Variants in CNTNAP2 observed in about 807,000 individuals in gnomAD.
The protein encoded by CNTNAP2 is contactin-associated protein-like 2.
CNTNAP2 carries 98 observed loss-of-function variants against 155.2 expected under a neutral mutation model. That is an observed-to-expected ratio of 0.63 (90% CI 0.54 to 0.75). The LOEUF is 0.75. CNTNAP2 is among the 30% of genes least tolerant of loss of function. CNTNAP2 has a pLI of 0.00. For missense variants in CNTNAP2, 1,727 were observed against 1,688.1 expected (o/e 1.02, Z -0.40); for synonymous variants, 651 against 631.2 (o/e 1.03, Z -0.47).
chr7:147,004,502 A>G (rs1023638084), intron 3 of CNTNAP2, among the ~76,000 whole-genome samples: 1 of 152,074 alleles, frequency 6.6e-6, no homozygotes, highest in African/African-American at 2.4e-5. Context: ...TTGGCTATAT[A>G]GGTAAAAATA....
chr7:147,192,542 GT>G (rs898967133), intron 8 of CNTNAP2, among the ~76,000 whole-genome samples: 1 of 151,792 alleles, frequency 6.6e-6, no homozygotes, highest in Non-Finnish European at 1.5e-5. Context: ...AGTATTCTGT[GT>G]TTTCCCCACC....
chr7:146,350,852 A>C (rs540971242), intron 1 of CNTNAP2, among the ~76,000 whole-genome samples: 1 of 152,192 alleles, frequency 6.6e-6, no homozygotes, highest in African/African-American at 2.4e-5. Context: ...TGCAGCCATA[A>C]AAAATGAAGA....
chr7:148,277,797 A>AG (rs1796900608), intron 21 of CNTNAP2, among the ~76,000 whole-genome samples: 1 of 147,188 alleles, frequency 6.8e-6, no homozygotes, highest in Non-Finnish European at 1.5e-5. Context: ...GAAAAAAGAA[A>AG]AAAAGAAAAA....
intron 3 of CNTNAP2, among the ~76,000 whole-genome samples, chr7:146,892,240 G>A (rs1026931319): frequency 6.6e-6 from 1 of 152,136 alleles, no homozygotes. Flanking sequence ...CCTCATGTGG[G>A]CATTTCCATA....
intron 2 of CNTNAP2, among the ~76,000 whole-genome samples, chr7:146,782,473 A>G (rs945714437): frequency 7.2e-5 from 11 of 152,294 alleles, no homozygotes; most frequent in Admixed American, 6.5e-4. Context: ...ATGCCTAACT[A>G]AGTTCCAGTA....
In CNTNAP2 at chr7:147,124,545, A is replaced by G. The variant is rs754642110; in HGVS notation, c.939+3382A>G. Reference sequence around the variant, plus strand: ...TTGCAAAGAGGTGCCTAATAGCACTATATGACGGTATTTCCATCATATAGT... The same window carrying G: ...TTGCAAAGAGGTGCCTAATAGCACTGTATGACGGTATTTCCATCATATAGT... On this transcript the variant is annotated intron_variant, in intron 6 of 23. Transcript: ENST00000361727. Among the ~76,000 whole-genome samples, 14 of 152,242 alleles carry G rather than the reference A, an allele frequency of 9.2e-5. No homozygotes were observed. In the South Asian group the frequency reaches 1.2e-3, roughly 13 times the overall value.
chr7:146,141,430 G>T (rs539293036), intron 1 of CNTNAP2, among the ~76,000 whole-genome samples: 1 of 152,126 alleles, frequency 6.6e-6, no homozygotes, highest in Admixed American at 6.6e-5. Flanking sequence ...GGGACAGATT[G>T]TTCTGGTAGC....
At chr7:147,212,445 A>T (rs1803169749) in intron 8 of CNTNAP2, among the ~76,000 whole-genome samples, 2 of 152,148 alleles carry the variant, frequency 1.3e-5, no homozygotes, top group Admixed American at 1.3e-4. Context: ...TACAACATGG[A>T]TGCAGCTGAA....
At chr7:147,368,605 G>C (rs1030310594) in intron 9 of CNTNAP2, among the ~76,000 whole-genome samples, 1 of 152,142 alleles carries the variant, frequency 6.6e-6, no homozygotes, top group African/African-American at 2.4e-5. Flanking sequence ...GTCAGTCTGA[G>C]AGCAGGAGCA....
At position 147,793,650 on chromosome 7, in the gene CNTNAP2, A is replaced by G. The variant is rs561124988; in HGVS notation, c.2099-109915A>G. On this transcript the variant is annotated intron_variant, in intron 13 of 23. Transcript: ENST00000361727. ...TTTTAAGATGCTTTTGGCTGTTCTG[A>G]GTCCCTTGAATTTTCACATGAAATT... Among the ~76,000 whole-genome samples, 6 of 152,140 alleles carry G rather than the reference A, an allele frequency of 3.9e-5. No individual in the cohort carries two copies. The South Asian group carries it at 1.2e-3, about 31-fold the overall frequency.
At chr7:146,163,557 C>CTA (rs1228843172) in intron 1 of CNTNAP2, among the ~76,000 whole-genome samples, 4 of 129,038 alleles carry the variant, frequency 3.1e-5, no homozygotes, top group Admixed American at 7.8e-5. Context: ...ATATCTATAT[C>CTA]TATATCTATC....
chr7:147,155,466 T>C (rs1309555521), intron 8 of CNTNAP2, among the ~76,000 whole-genome samples: 1 of 151,948 alleles, frequency 6.6e-6, no homozygotes, highest in South Asian at 2.1e-4. Context: ...TATTAGAACA[T>C]AGACATTTGG....
At chr7:147,700,494 A>G (rs1453817239) in intron 13 of CNTNAP2, among the ~76,000 whole-genome samples, 1 of 152,188 alleles carries the variant, frequency 6.6e-6, no homozygotes, top group Non-Finnish European at 1.5e-5. Context: ...CAGAAATTGT[A>G]CTCACCATTT....
intron 1 of CNTNAP2, among the ~76,000 whole-genome samples, chr7:146,518,953 C>T (rs979184374): frequency 2.8e-4 from 43 of 152,034 alleles, no homozygotes; most frequent in African/African-American, 9.2e-4. Flanking sequence ...AACTTCGTGG[C>T]CACACAGTTG....
In CNTNAP2 at chr7:148,288,944, C is replaced by CAA. The variant is rs58641348; in HGVS notation, c.3475+21842_3475+21843dup. Among the ~76,000 whole-genome samples, 603 of 101,426 alleles carry CAA rather than the reference C, an allele frequency of 5.9e-3. 5 individuals carry two copies. The highest frequency in any genetic ancestry group is 0.014 in the African/African-American group (389 of 27,598). The allele number at this position is 101,426 out of a possible 152,430, so 66.5% of individuals were successfully genotyped here. On this transcript the variant is annotated intron_variant, in intron 21 of 23. Transcript: ENST00000361727. ...CAACAGATTAAAATATCTTATTCAGCAAAAAAAAAAAAAAAAAAAAAAAAA... is the reference window on the plus strand; with the variant it reads ...CAACAGATTAAAATATCTTATTCAGCAAAAAAAAAAAAAAAAAAAAAAAAAAA...
chr7:148,206,898 G>A (rs892818174), intron 18 of CNTNAP2, among the ~76,000 whole-genome samples: 2 of 152,006 alleles, frequency 1.3e-5, no homozygotes, highest in African/African-American at 4.8e-5. Context: ...CTCAGATGTC[G>A]CCTTCCTTAG....
At chr7:147,749,023 T>C (rs17133827) in intron 13 of CNTNAP2, among the ~76,000 whole-genome samples, 9,246 of 152,222 alleles carry the variant, frequency 0.061, 895 homozygotes, top group African/African-American at 0.21. Flanking sequence ...CTGTCAACGA[T>C]TGGACAAAGA....
chr7:147,101,549 C>A (rs913491346), intron 4 of CNTNAP2, among the ~76,000 whole-genome samples: 1 of 152,038 alleles, frequency 6.6e-6, no homozygotes, highest in Non-Finnish European at 1.5e-5. Flanking sequence ...ATACGCAGGT[C>A]CTTGTCTGGC....
intron 22 of CNTNAP2, among the ~76,000 whole-genome samples, chr7:148,405,603 ATTTTTTTTTTTTTTTTTT>A (rs535094195): frequency 2.7e-5 from 1 of 36,794 alleles, no homozygotes; most frequent in East Asian, 9.6e-4. Flanking sequence ...TGCACAGCTA[ATTTTTTTTTTTTTTTTTT>A]TTTTTTTTTT....
Sources: allele counts gnomAD v4.1 joint callset (sites outside exome capture counted in the v4.1 genomes callset), GRCh38; gene constraint gnomAD v4.1.1; transcripts MANE v1.5; gene names NCBI Gene and HGNC (gene_info 2026-07-23, HGNC 2026-07-21).